The following MACROD2 variants were observed in gnomAD, a reference collection of about 807,000 sequenced individuals.
The protein encoded by MACROD2 is mono-ADP ribosylhydrolase 2.
MACROD2 carries 36 observed loss-of-function variants against 70.4 expected under a neutral mutation model. The ratio of observed to expected loss-of-function variants is 0.51; its 90% CI spans 0.39 to 0.68. MACROD2 has a LOEUF of 0.68. Among genes scored for constraint, MACROD2 ranks in the 30% least tolerant of loss-of-function variants. The pLI, the probability that MACROD2 is intolerant of heterozygous loss-of-function variation, is 0.00. For synonymous variants in MACROD2, 172 were observed against 178.8 expected (o/e 0.96, Z 0.30); for missense variants, 496 against 538.4 (o/e 0.92, Z 0.78).
In MACROD2 at chr20:14,241,048, G is replaced by A. The variant is rs1334889867; in HGVS notation, c.271+155320G>A. Among the ~76,000 whole-genome samples, 4 of 152,136 alleles carry A rather than the reference G, an allele frequency of 2.6e-5. No homozygotes were observed. The East Asian group carries it at 5.8e-4, about 22-fold the overall frequency. On this transcript the variant is annotated intron_variant, in intron 3 of 17. Coordinates refer to ENST00000684519, the MANE Select transcript of MACROD2 (RefSeq NM_001351661.2). ...GGAGAATCACCTGAACCCGGGAGGC[G>A]GAGGTTGCAGTGAGCCGAGATTGCA...
intron 3 of MACROD2, among the ~76,000 whole-genome samples, chr20:14,386,028 T>A (rs199793544): frequency 3.7e-5 from 3 of 81,760 alleles, no homozygotes; most frequent in South Asian, 1.0e-3. Flanking sequence ...TACAGCGTAT[T>A]TTTGTTAGGT....
intron 5 of MACROD2, among the ~76,000 whole-genome samples, chr20:15,068,502 C>G (rs1364646427): frequency 6.6e-6 from 1 of 152,128 alleles, no homozygotes; most frequent in Non-Finnish European, 1.5e-5. Flanking sequence ...GTGTTTGGGT[C>G]ATGGGAGAAG....
Position 14,447,475 on chromosome 20 carries a change from A to G in MACROD2, c.272-46004A>G, listed in dbSNP as rs187159754. On this transcript the variant is annotated intron_variant, in intron 3 of 17. Transcript: ENST00000684519. ...GCCACCTTTTATCCCATGGCAAGGG[A>G]GGGAAGTATGTGTGTACGTACACGT... 4.6e-5 allele frequency among the ~76,000 whole-genome samples: 7 copies of G among 152,152 alleles called. No homozygotes were observed. The East Asian group carries it at 1.4e-3, about 29-fold the overall frequency.
intron 8 of MACROD2, among the ~76,000 whole-genome samples, chr20:15,566,102 A>T (rs917513043): frequency 9.2e-5 from 14 of 152,224 alleles, no homozygotes; most frequent in African/African-American, 3.4e-4. Flanking sequence ...CATTAATTTA[A>T]AAAGCTGTTA....
intron 11 of MACROD2, 127 bp downstream of exon 11, chr20:15,933,465 G>T (rs2065610688): frequency 1.2e-6 from 1 of 825,106 alleles, no homozygotes; most frequent in Non-Finnish European, 1.9e-6. Context: ...GTTCATTCAG[G>T]GTCTCCCTCA....
chr20:15,290,516 T>C (rs969661643), intron 6 of MACROD2, among the ~76,000 whole-genome samples: 1 of 152,188 alleles, frequency 6.6e-6, no homozygotes, highest in Admixed American at 6.5e-5. Context: ...AATAACTGTT[T>C]AGTGAGGTTC....
At chr20:14,285,127 G>A (rs189572447) in intron 3 of MACROD2, among the ~76,000 whole-genome samples, 265 of 152,202 alleles carry the variant, frequency 1.7e-3, no homozygotes, top group Non-Finnish European at 2.3e-3. Flanking sequence ...TACAGGTTTA[G>A]TATCTCTTAT....
intron 7 of MACROD2, among the ~76,000 whole-genome samples, chr20:15,438,493 T>A (rs1178643203): frequency 1.3e-5 from 2 of 152,202 alleles, no homozygotes; most frequent in East Asian, 3.9e-4. Flanking sequence ...GAGAAGTGTC[T>A]GTTCATGTCC....
chr20:14,633,024 G>A (rs982582074), intron 4 of MACROD2, among the ~76,000 whole-genome samples: 4 of 152,244 alleles, frequency 2.6e-5, no homozygotes, highest in Admixed American at 6.5e-5. Flanking sequence ...GTGTCGCGGT[G>A]TGGAAGTCCA....
chr20:15,557,706 A>T (rs1285397339), intron 8 of MACROD2, among the ~76,000 whole-genome samples: 2 of 152,220 alleles, frequency 1.3e-5, no homozygotes, highest in African/African-American at 2.4e-5. Flanking sequence ...CTCAGAGTTT[A>T]TCTTTCTGAA....
intron 6 of MACROD2, among the ~76,000 whole-genome samples, chr20:15,306,395 C>G (rs1000147446): frequency 1.3e-5 from 2 of 152,162 alleles, no homozygotes; most frequent in Non-Finnish European, 2.9e-5. Flanking sequence ...ATGCTAAATA[C>G]TTTACATACA....
chr20:14,267,930 A>G (rs2082157176), intron 3 of MACROD2, among the ~76,000 whole-genome samples: 1 of 152,072 alleles, frequency 6.6e-6, no homozygotes, highest in South Asian at 2.1e-4. Flanking sequence ...AAGAAATAGG[A>G]TATCAATTTT....
chr20:15,782,426 C>T (rs1377406758), intron 8 of MACROD2, among the ~76,000 whole-genome samples: 1 of 152,028 alleles, frequency 6.6e-6, no homozygotes, highest in Non-Finnish European at 1.5e-5. Context: ...ACTGAGGTCA[C>T]TCATGTAGCT....
chr20:15,586,314 C>G (rs1055256860), intron 8 of MACROD2, among the ~76,000 whole-genome samples: 1 of 152,174 alleles, frequency 6.6e-6, no homozygotes, highest in African/African-American at 2.4e-5. Flanking sequence ...CCAAGTGATG[C>G]TAATACTGCT....
rs61542762 is a variant in MACROD2, at chr20:15,729,831, C to CTTTTTTTTTTTTTTTTTTTTTT, written c.646-132899_646-132898insTTTTTTTTTTTTTTTTTTTTTT. Among the ~76,000 whole-genome samples, 7 of 64,778 alleles carry CTTTTTTTTTTTTTTTTTTTTTT rather than the reference C, an allele frequency of 1.1e-4. 2 individuals carry two copies. The highest frequency in any genetic ancestry group is 2.1e-4 in the Admixed American group (1 of 4,822). The allele number at this position is 64,778 out of a possible 152,430, so 42.5% of individuals were successfully genotyped here. On this transcript the variant is annotated intron_variant, in intron 8 of 17. Coordinates refer to ENST00000684519, the MANE Select transcript of MACROD2 (RefSeq NM_001351661.2). ...GAACACAGCATGCAGTTGGGTCATG[C>CTTTTTTTTTTTTTTTTTTTTTT]TTTTTTTTTTTTTTTGGATGGAGTT...
At chr20:14,022,510 A>T (rs1416926801) in intron 2 of MACROD2, among the ~76,000 whole-genome samples, 1 of 149,828 alleles carries the variant, frequency 6.7e-6, no homozygotes, top group Non-Finnish European at 1.5e-5. Flanking sequence ...TTTGTTACAG[A>T]GGTATACATG....
chr20:15,197,039 A>G (rs2076612153), intron 5 of MACROD2: 2 of 985,272 alleles, frequency 2.0e-6, no homozygotes, highest in Non-Finnish European at 1.2e-6. Flanking sequence ...GCAGGTGAGT[A>G]TTTTGCTCAC....
At chr20:14,715,574 G>A (rs530313751) in intron 5 of MACROD2, among the ~76,000 whole-genome samples, 31 of 152,266 alleles carry the variant, frequency 2.0e-4, no homozygotes, top group African/African-American at 6.5e-4. Flanking sequence ...GCAGGCAAAC[G>A]TCCTGTTGGT....
rs560310739 is a variant in MACROD2, at chr20:14,955,729, G to C, written c.418+270770G>C. Among the ~76,000 whole-genome samples the C allele has an allele frequency of 4.6e-5, 7 of 152,122 alleles. No individual in the cohort carries two copies. In the East Asian group the frequency reaches 1.2e-3, roughly 25 times the overall value. On this transcript the variant is annotated intron_variant, in intron 5 of 17. Transcript: ENST00000684519. The stretch of plus-strand genomic sequence containing the variant: ...CCACCCCCAGCCCTGCAACTGCAAT[G>C]CATTATGATTTCTTTTAAATTTGTT...
Sources: gnomAD v4.1 joint callset for allele counts (sites outside exome capture counted in the v4.1 genomes callset) on GRCh38, gnomAD v4.1.1 for gene constraint, MANE v1.5 for transcripts, NCBI Gene and HGNC (gene_info 2026-07-23, HGNC 2026-07-21) for gene names.